The following RGPD8 variants were observed in gnomAD, a reference collection of about 807,000 sequenced individuals.
RGPD8 encodes the protein RANBP2 like and GRIP domain containing 8, also known as RANBP2-like and GRIP domain-containing protein 8.
A neutral mutation model predicts 89.1 loss-of-function variants in RGPD8; 15 were observed. The ratio of observed to expected loss-of-function variants is 0.17; its 90% CI spans 0.11 to 0.26. The LOEUF (loss-of-function observed/expected upper bound fraction) is 0.26. Among genes scored for constraint, RGPD8 ranks in the 10% least tolerant of loss-of-function variants. The pLI is 1.00. For synonymous variants in RGPD8, 62 were observed against 420.9 expected (o/e 0.15, Z 10.44); for missense variants, 178 against 1,179.6 (o/e 0.15, Z 12.44).
chr2:112,426,202 G>A (rs2673111), intron 1 of RGPD8, among the ~76,000 whole-genome samples: 7 of 152,158 alleles, frequency 4.6e-5, no homozygotes, highest in African/African-American at 9.7e-5. Flanking sequence ...TGCCAGCATC[G>A]CTATTCTTGC....
intron 1 of RGPD8, among the ~76,000 whole-genome samples, chr2:112,430,677 A>C (rs1679990052): frequency 6.6e-6 from 1 of 152,014 alleles, no homozygotes; most frequent in Non-Finnish European, 1.5e-5. Context: ...TTAAAAAAAA[A>C]ATCAGGCTGA....
rs908081644 is a variant in RGPD8 at position 112,432,677 on chromosome 2, G to C, written c.72+705C>G. On this transcript the variant is annotated intron_variant, in intron 1 of 22. Coordinates refer to ENST00000302558, the MANE Select transcript of RGPD8 (RefSeq NM_001164463.1). The stretch of plus-strand genomic sequence containing the variant: ...AGAAACCCGCCGATACAGCACCCGG[G>C]TGCCCAAGCCCCCGAGAACTAGGCC... 6 of 985,302 alleles carry C rather than the reference G, an allele frequency of 6.1e-6. No homozygotes were observed. In the South Asian group the frequency reaches 1.4e-4, roughly 23 times the overall value. 61.0% of individuals were successfully genotyped at this position (985,302 alleles called of 1,614,324 possible). A position where few individuals can be genotyped will look rare whatever the true frequency, so the allele number is the denominator to read the frequency against.
In RGPD8 at chr2:112,389,994, T is replaced by C; in HGVS notation, c.2951A>G (p.Gln984Arg). ...GAAATTGAGGTCTTTTTTGCCAAACTGAAATCCTTCTCCTGAAGTTGATTT... is the reference window on the plus strand; with the variant it reads ...GAAATTGAGGTCTTTTTTGCCAAACCGAAATCCTTCTCCTGAAGTTGATTT... ...VAKSTSGEGFQFGKKDLNFKG... is the reference protein window; with the variant it reads ...VAKSTSGEGFRFGKKDLNFKG... The change falls in exon 20 of 23, where the codon CAG becomes CGG. Residue 984 changes from glutamine to arginine, a missense_variant. Transcript: ENST00000302558. The C allele has an allele frequency of 6.4e-7, 1 of 1,569,964 alleles. No homozygotes were observed. Among genetic ancestry groups the C allele is most frequent in the Non-Finnish European group, 8.6e-7 (1 of 1,156,830 alleles).
rs1309804939 is a variant in RGPD8, at chr2:112,400,019, TA to T, written c.1917+16del. 18 of 359,068 alleles carry T rather than the reference TA, an allele frequency of 5.0e-5. No individual in the cohort carries two copies. In the African/African-American group the frequency reaches 5.5e-4, roughly 11 times the overall value. 22.2% of individuals were successfully genotyped at this position (359,068 alleles called of 1,614,324 possible). On this transcript the variant is annotated intron_variant, in intron 13 of 22. Transcript: ENST00000302558. Reference sequence around the variant, plus strand: ...GAAATTCCCATCTCCAATAAATTCATAAAGGAACTCTGTTACCTGAATGTCT... The same window carrying T: ...GAAATTCCCATCTCCAATAAATTCATAAGGAACTCTGTTACCTGAATGTCT...
chr2:112,425,387 T>C (rs1679727572), intron 1 of RGPD8, among the ~76,000 whole-genome samples: 1 of 151,572 alleles, frequency 6.6e-6, no homozygotes, highest in African/African-American at 2.4e-5. Context: ...AAGGCAGAAA[T>C]AAATATTGAA....
chr2:112,371,981 T>G (rs916172848), intron 22 of RGPD8, among the ~76,000 whole-genome samples: 3 of 135,108 alleles, frequency 2.2e-5, no homozygotes, highest in African/African-American at 8.6e-5. Flanking sequence ...ACTTAGTACC[T>G]TAACACATAT....
chr2:112,425,875 C>T (rs999502080), intron 1 of RGPD8, among the ~76,000 whole-genome samples: 4 of 152,058 alleles, frequency 2.6e-5, no homozygotes, highest in South Asian at 2.1e-4. Flanking sequence ...ATGTCCAAAA[C>T]GATGAATAGT....
chr2:112,430,958 A>T (rs1042177038), intron 1 of RGPD8, among the ~76,000 whole-genome samples: 3 of 152,194 alleles, frequency 2.0e-5, no homozygotes, highest in African/African-American at 4.8e-5. Flanking sequence ...CCTTGTCTCA[A>T]AAACAAAATA....
intron 21 of RGPD8, among the ~76,000 whole-genome samples, chr2:112,380,606 T>C (rs560613590): frequency 1.4e-5 from 2 of 139,582 alleles, no homozygotes; most frequent in South Asian, 4.4e-4. Flanking sequence ...TGAGCTAAGA[T>C]CGTGCCACTG....
chr2:112,408,919 G>A (rs1292428523), intron 7 of RGPD8, among the ~76,000 whole-genome samples: 10 of 151,514 alleles, frequency 6.6e-5, no homozygotes, highest in African/African-American at 1.5e-4. Flanking sequence ...CGATCCGCCC[G>A]CCTCAGCCTC....
intron 6 of RGPD8, 58 bp downstream of exon 6, chr2:112,417,135 T>C (rs1369018694): frequency 1.2e-6 from 2 of 1,607,788 alleles, no homozygotes; most frequent in Non-Finnish European, 1.7e-6. Flanking sequence ...GCAATGAACT[T>C]ACTGCAAAAA....
rs540526112 is a variant in RGPD8, at chr2:112,433,179, C to A, written c.72+203G>T. On this transcript the variant is annotated intron_variant, in intron 1 of 22. Transcript: ENST00000302558. ...CGCCTCAACAGAGCGCGCCAGGGAG[C>A]AGCGCCCGTCGGGAGCCATGACCCC... Among the ~76,000 whole-genome samples the A allele has an allele frequency of 2.3e-5, 3 of 132,164 alleles. 1 individual carries two copies. Among genetic ancestry groups the A allele is most frequent in the Non-Finnish European group, 5.0e-5 (3 of 60,244 alleles). 86.7% of individuals were successfully genotyped at this position (132,164 alleles called of 152,430 possible).
intron 1 of RGPD8, among the ~76,000 whole-genome samples, chr2:112,429,765 A>G (rs989025355): frequency 2.6e-5 from 4 of 152,162 alleles, no homozygotes; most frequent in African/African-American, 9.7e-5. Flanking sequence ...ACTAAACAGA[A>G]GCCATCGGGA....
At chr2:112,432,571 G>C (rs996151914) in intron 1 of RGPD8, 6 of 985,206 alleles carry the variant, frequency 6.1e-6, no homozygotes, top group African/African-American at 5.2e-5. Context: ...CCGGAGCTGC[G>C]TCAGTCCCCA....
intron 22 of RGPD8, among the ~76,000 whole-genome samples, chr2:112,375,995 T>TA (rs533589000): frequency 0.01 from 1,109 of 109,654 alleles, 92 homozygotes; most frequent in African/African-American, 0.032. Flanking sequence ...AGTATGTCTG[T>TA]AAAAAAAATT....
intron 1 of RGPD8, among the ~76,000 whole-genome samples, chr2:112,427,350 G>C (rs1235204896): frequency 6.6e-6 from 1 of 152,166 alleles, no homozygotes; most frequent in Non-Finnish European, 1.5e-5. Context: ...AGCTCAAGCA[G>C]ACAAATGCCT....
At chr2:112,381,910 G>C (rs1678315039) in intron 20 of RGPD8, among the ~76,000 whole-genome samples, 2 of 152,308 alleles carry the variant, frequency 1.3e-5, no homozygotes, top group Admixed American at 6.5e-5. Context: ...GTGTCAACTT[G>C]ATTGGATTAA....
chr2:112,431,022 C>T (rs1680006612), intron 1 of RGPD8, among the ~76,000 whole-genome samples: 1 of 152,040 alleles, frequency 6.6e-6, no homozygotes, highest in Non-Finnish European at 1.5e-5. Flanking sequence ...GAAGTGGAGG[C>T]GGGGAAATCA....
chr2:112,430,196 G>A (rs1019601265), intron 1 of RGPD8, among the ~76,000 whole-genome samples: 6 of 152,106 alleles, frequency 3.9e-5, no homozygotes, highest in Admixed American at 1.3e-4. Context: ...CCAAAACTCC[G>A]ACATTCTAGA....
Sources: gnomAD v4.1 joint callset for allele counts (sites outside exome capture counted in the v4.1 genomes callset) on GRCh38, gnomAD v4.1.1 for gene constraint, MANE v1.5 for transcripts, NCBI Gene and HGNC (gene_info 2026-07-23, HGNC 2026-07-21) for gene names.